Variants in STAB1 observed in about 807,000 individuals in gnomAD.
The protein encoded by STAB1 is stabilin-1.
A neutral mutation model predicts 332.4 loss-of-function variants in STAB1; 250 were observed. The ratio of observed to expected loss-of-function variants is 0.75; its 90% CI spans 0.68 to 0.84. The LOEUF is 0.84. Among genes scored for constraint, STAB1 ranks in the 40% least tolerant of loss-of-function variants. The pLI, the probability that STAB1 is intolerant of heterozygous loss-of-function variation, is 0.00. For synonymous variants in STAB1, 1,475 were observed against 1,390.4 expected, an observed-to-expected ratio of 1.06 and a Z score of -1.35; for missense variants, 3,249 against 3,489.7, an observed-to-expected ratio of 0.93 and a Z score of 1.74.
intron 63 of STAB1, 41 bp from the exon 64 acceptor site, chr3:52,523,181 G>A: frequency 6.2e-7 from 1 of 1,612,298 alleles, no homozygotes; most frequent in South Asian, 1.1e-5. Context: ...GGATCCCCGA[G>A]GAGGGAGCCT....
At chr3:52,515,567 G>T in intron 37 of STAB1, 61 bp downstream of exon 37, 2 of 1,564,910 alleles carry the variant, frequency 1.3e-6, no homozygotes, top group Admixed American at 1.7e-5. Context: ...AGTGGGTGGG[G>T]GCCCAGGGAG....
chr3:52,518,935 C>T (rs1422121382), intron 48 of STAB1, 66 bp downstream of exon 48: 3 of 638,138 alleles, frequency 4.7e-6, no homozygotes, highest in African/African-American at 5.6e-5. Context: ...GCCATTGCCC[C>T]AGGCCCCACG....
At position 52,522,635 on chromosome 3, in the gene STAB1, G is replaced by A. The variant is rs200287966; in HGVS notation, c.6691G>A (p.Glu2231Lys). 1.1e-4 allele frequency: 174 copies of A among 1,612,932 alleles called. No individual in the cohort carries two copies. Among genetic ancestry groups the A allele is most frequent in the Admixed American group, 1.2e-4 (7 of 60,030 alleles). Residue 2231 changes from glutamate (E) to lysine (K), a missense_variant, in exon 61 of 69, where the codon GAA becomes AAA. Physicochemically the swap from Glu to Lys is moderately conservative, Grantham distance 56. Coordinates refer to ENST00000321725, the MANE Select transcript of STAB1 (RefSeq NM_015136.3). ...CTTTTCGGAGGCTGAGGCGGCATGC[G>A]AAGCACAGGGAGCCGTCCTTGCTTC... ...LNFSEAEAACEAQGAVLASFP... is the reference protein window; with the variant it reads ...LNFSEAEAACKAQGAVLASFP...
At chr3:52,512,237 G>T (rs1041770219) in intron 26 of STAB1, 104 bp from the exon 27 acceptor site, 2 of 1,087,960 alleles carry the variant, frequency 1.8e-6, no homozygotes, top group Non-Finnish European at 1.4e-6. Flanking sequence ...AGAGCAAGGG[G>T]CAGGGGCTGG....
intron 36 of STAB1, 68 bp downstream of exon 36, chr3:52,515,113 C>T: frequency 6.4e-7 from 1 of 1,569,942 alleles, no homozygotes; most frequent in Non-Finnish European, 8.7e-7. Flanking sequence ...GGTGCCCAAT[C>T]CCCTCACCCT....
At chr3:52,517,415 A>G (rs2078910490) in intron 43 of STAB1, 22 bp downstream of exon 43, 1 of 1,576,656 alleles carries the variant, frequency 6.3e-7, no homozygotes, top group South Asian at 1.2e-5. Flanking sequence ...AGGGTTGGAC[A>G]TGGGGCATCA....
intron 48 of STAB1, 50 bp downstream of exon 48, chr3:52,518,919 C>CGTCCCGCCCCGCCCG: frequency 6.9e-7 from 1 of 1,454,276 alleles, no homozygotes. Context: ...CGCCCCGCCC[C>CGTCCCGCCCCGCCCG]TGCGCGCCAT....
intron 36 of STAB1, 144 bp downstream of exon 36, chr3:52,515,189 A>C (rs1451896128): frequency 3.6e-6 from 4 of 1,117,490 alleles, no homozygotes; most frequent in African/African-American, 3.1e-5. Flanking sequence ...GTCCCCATAG[A>C]GGTCTGGAGG....
chr3:52,505,910 C>T lies in STAB1; in HGVS notation c.1723C>T (p.Arg575Trp), dbSNP rs777469845. The T allele has an allele frequency of 3.7e-6, 6 of 1,613,882 alleles. No individual in the cohort carries two copies. The highest frequency in any genetic ancestry group is 1.1e-5 in the South Asian group (1 of 91,084). ...AGLSKLQELV[R>W]YHIYNHGQLT... is the part of the protein sequence containing the mutation. ...TCTCTCTAAACTGCAGGAGTTGGTG[C>T]GGTACCACATCTACAACCACGGCCA... Residue 575 changes from arginine (R) to tryptophan (W), a missense_variant, in exon 16 of 69, where the codon CGG becomes TGG. By Grantham distance (101) the Arg-to-Trp change is moderately radical (BLOSUM62 -3). Coordinates refer to ENST00000321725, the MANE Select transcript of STAB1 (RefSeq NM_015136.3).
chr3:52,496,997 C>T (rs978211041), intron 1 of STAB1, among the ~76,000 whole-genome samples: 1 of 152,186 alleles, frequency 6.6e-6, no homozygotes, highest in African/African-American at 2.4e-5. Context: ...CTCTACTGAA[C>T]ATGTTCAGAC....
At position 52,503,834 on chromosome 3, in the gene STAB1, C is replaced by T. The variant is rs373264845; in HGVS notation, c.954C>T (p.Phe318=). 1.1e-5 allele frequency: 18 copies of T among 1,613,142 alleles called. No individual in the cohort carries two copies. Among genetic ancestry groups the T allele is most frequent in the African/African-American group, 5.3e-5 (4 of 74,944 alleles). Residue 318 remains phenylalanine, a synonymous_variant, in exon 9 of 69, where the codon TTC becomes TTT. Coordinates refer to ENST00000321725, the MANE Select transcript of STAB1 (RefSeq NM_015136.3). The part of the protein sequence containing the change: ...SINSNASAGC[F]AFCSPFSCDR... The stretch of plus-strand genomic sequence containing the variant: ...ACAGCAACGCTTCTGCGGGCTGCTT[C>T]GCCTTCTGCTCCCCCTTCTCCTGCG...
intron 48 of STAB1, 123 bp downstream of exon 48, chr3:52,518,992 C>T (rs2078978759): frequency 8.1e-7 from 1 of 1,240,522 alleles, no homozygotes; most frequent in South Asian, 1.5e-5. Flanking sequence ...GGGGCGCCTC[C>T]TGCTGAGTCC....
In STAB1 at chr3:52,511,695, T is replaced by G; in HGVS notation, c.2833T>G (p.Cys945Gly). 1 of 1,609,686 alleles carries G rather than the reference T, an allele frequency of 6.2e-7. No individual in the cohort carries two copies. The highest frequency in any genetic ancestry group is 8.5e-7 in the Non-Finnish European group (1 of 1,177,896). The change falls in exon 26 of 69, where the codon TGC becomes GGC. Residue 945 changes from cysteine (C) to glycine (G), a missense_variant. Coordinates refer to ENST00000321725, the MANE Select transcript of STAB1 (RefSeq NM_015136.3). ...GGGCTTTGCCGGGGATGGCTACCAG[T>G]GCAGCCCCATCGACCCCTGCCGGGC... ...KLGFAGDGYQ[C>G]SPIDPCRAGN...
At position 52,518,877 on chromosome 3, in the gene STAB1, C is replaced by G; in HGVS notation, c.5034+8C>G. On this transcript the variant is annotated splice_region_variant and intron_variant, in intron 48 of 68. Coordinates refer to ENST00000321725, the MANE Select transcript of STAB1 (RefSeq NM_015136.3). ...CGCTTCAGCGAGAGGGAGGTGAGCC[C>G]TGGCCCTGGCCTGCCCCGCTCCATC... 1 of 1,554,880 alleles carries G rather than the reference C, an allele frequency of 6.4e-7. No homozygotes were observed. The highest frequency in any genetic ancestry group is 8.6e-7 in the Non-Finnish European group (1 of 1,156,116).
At chr3:52,496,946 A>G (rs902610310) in intron 1 of STAB1, among the ~76,000 whole-genome samples, 1 of 152,210 alleles carries the variant, frequency 6.6e-6, no homozygotes, top group Admixed American at 6.5e-5. Flanking sequence ...CTTGGGTTCA[A>G]CCAACCCTGG....
At chr3:52,509,788 T>G in intron 22 of STAB1, 82 bp from the exon 23 acceptor site, 2 of 1,516,190 alleles carry the variant, frequency 1.3e-6, no homozygotes, top group Admixed American at 3.4e-5. Context: ...CCCCACTCCC[T>G]ATATCCCCCA....
At position 52,502,986 on chromosome 3, in the gene STAB1, C is replaced by G; in HGVS notation, c.584-13C>G. On this transcript the variant is annotated splice_polypyrimidine_tract_variant and intron_variant, in intron 6 of 68. Transcript: ENST00000321725. ...GGGCTTGGGCTCATCAGTGCTCTCT[C>G]CACTCTGCGCAGAGCTGCCCGTCTG... 1 of 1,543,802 alleles carries G rather than the reference C, an allele frequency of 6.5e-7. No homozygotes were observed. The highest frequency in any genetic ancestry group is 8.7e-7 in the Non-Finnish European group (1 of 1,143,896).
chr3:52,499,519 G>T (rs1183936632), intron 1 of STAB1, among the ~76,000 whole-genome samples: 1 of 152,188 alleles, frequency 6.6e-6, no homozygotes, highest in Non-Finnish European at 1.5e-5. Flanking sequence ...CTTGGCCCAG[G>T]CCACCTTCAG....
chr3:52,522,101 A>G lies in STAB1; in HGVS notation c.6336A>G (p.Gly2112=). Residue 2112 remains glycine, a synonymous_variant, in exon 59 of 69, where the codon GGA becomes GGG. Transcript: ENST00000321725. ...AGCACGCCAACTGTAGCCAGGTAGG[A>G]ACAATGGTCACTTGTACCTGCCTGC... ...CSEHANCSQV[G]TMVTCTCLPD... 6.2e-7 allele frequency: 1 copy of G among 1,613,008 alleles called. No homozygotes were observed. Among genetic ancestry groups the G allele is most frequent in the Non-Finnish European group, 8.5e-7 (1 of 1,179,974 alleles).
Sources: allele counts gnomAD v4.1 joint callset (sites outside exome capture counted in the v4.1 genomes callset), GRCh38; gene constraint gnomAD v4.1.1; transcripts MANE v1.5; gene names NCBI Gene and HGNC (gene_info 2026-07-23, HGNC 2026-07-21).